PPP2R3C: variants seen among roughly 807,000 people sequenced by gnomAD.
The protein encoded by PPP2R3C is serine/threonine-protein phosphatase 2A regulatory subunit B'' subunit gamma.
In PPP2R3C, 47 loss-of-function variants were observed where a neutral mutation model predicts 63.7. That is an observed-to-expected ratio of 0.74 (90% CI 0.58 to 0.94). The LOEUF is 0.94. Among genes scored for constraint, PPP2R3C ranks in the 40% least tolerant of loss-of-function variants. PPP2R3C has a pLI of 0.00. For synonymous variants in PPP2R3C, 180 were observed against 177.4 expected (o/e 1.01, Z -0.12); for missense variants, 421 against 518.4 (o/e 0.81, Z 1.82).
chr14:35,109,434 A>T (rs186582860), intron 4 of PPP2R3C, among the ~76,000 whole-genome samples: 1 of 152,150 alleles, frequency 6.6e-6, no homozygotes, highest in African/African-American at 2.4e-5. Context: ...TAGTAACTTA[A>T]ATGGACTCAA....
At chr14:35,103,355 T>C (rs761793869) in intron 6 of PPP2R3C, among the ~76,000 whole-genome samples, 27 of 152,194 alleles carry the variant, frequency 1.8e-4, no homozygotes, top group Non-Finnish European at 3.2e-4. Flanking sequence ...TCCTCTATAC[T>C]ACATCTTCAT....
At chr14:35,087,327 G>C (rs2045639171) in intron 12 of PPP2R3C, 1 of 152,308 alleles carries the variant, frequency 6.6e-6, no homozygotes, top group East Asian at 1.9e-4. Context: ...TACTAAAACA[G>C]TTTCCAAGGT....
intron 3 of PPP2R3C, 110 bp from the exon 4 acceptor site, chr14:35,110,041 T>A (rs760070330): frequency 1.5e-5 from 11 of 758,054 alleles, no homozygotes; most frequent in Non-Finnish European, 2.3e-5. Context: ...GCAGAGTCAA[T>A]ATTAAGATGA....
intron 6 of PPP2R3C, among the ~76,000 whole-genome samples, chr14:35,103,933 A>T (rs2046270500): frequency 6.6e-6 from 1 of 152,328 alleles, no homozygotes; most frequent in African/African-American, 2.4e-5. Context: ...ATACTTTGAG[A>T]AAAGTGTTTT....
intron 7 of PPP2R3C, 53 bp from the exon 8 acceptor site, chr14:35,096,817 CAATT>C (rs1367736364): frequency 4.1e-6 from 6 of 1,469,398 alleles, no homozygotes; most frequent in Middle Eastern, 2.4e-4. Context: ...AAGAGCAACT[CAATT>C]AATTAAAAAA....
At chr14:35,106,831 C>T (rs9888560) in intron 6 of PPP2R3C, among the ~76,000 whole-genome samples, 15,965 of 150,514 alleles carry the variant, frequency 0.11, 1,052 homozygotes, top group African/African-American at 0.19. Context: ...CCAAGCCTGG[C>T]TAATTTTGTA....
rs192068165 is a variant in PPP2R3C, at chr14:35,106,380, T to C, written c.573+924A>G. On this transcript the variant is annotated intron_variant, in intron 6 of 12. Transcript: ENST00000261475. ...TTTTTGAGACAGGGTCTCCCTCTGT[T>C]GCCCAGGCTGGAGTGCAGTGGTGCA... 6.5e-5 allele frequency: 10 copies of C among 153,344 alleles called. No individual in the cohort carries two copies. In the East Asian group the frequency reaches 1.7e-3, roughly 26 times the overall value. 9.5% of individuals were successfully genotyped at this position (153,344 alleles called of 1,614,324 possible).
chr14:35,115,487 T>C (rs1475377415), intron 2 of PPP2R3C, among the ~76,000 whole-genome samples: 2 of 148,368 alleles, frequency 1.3e-5, no homozygotes, highest in African/African-American at 5.0e-5. Context: ...AGACAGGGTC[T>C]TTGCTCTATC....
chr14:35,095,124 C>T lies in PPP2R3C; in HGVS notation c.899G>A (p.Arg300His), dbSNP rs369410792. 1.2e-5 allele frequency: 20 copies of T among 1,611,962 alleles called. No individual in the cohort carries two copies. Among genetic ancestry groups the T allele is most frequent in the African/African-American group, 8.0e-5 (6 of 74,846 alleles). ...ATTGGTCATGGTAGCTGTTCCATAG[C>T]GTGAGAGTTCTTCTTTACTGAGCAT... ...NGMLSKEELSRYGTATMTNVF... is the reference protein window; with the variant it reads ...NGMLSKEELSHYGTATMTNVF... Residue 300 changes from arginine to histidine, a missense_variant, in exon 10 of 13, where the codon CGC becomes CAC. Arg to His is a conservative substitution (Grantham distance 29). Transcript: ENST00000261475.
intron 4 of PPP2R3C, among the ~76,000 whole-genome samples, chr14:35,108,464 GGAGGCT>G (rs2046432522): frequency 6.6e-6 from 1 of 151,568 alleles, no homozygotes; most frequent in African/African-American, 2.4e-5. Flanking sequence ...CAGCACTTTG[GGAGGCT>G]GAGGCAGGCA....
At chr14:35,113,802 T>C (rs2046631872) in intron 2 of PPP2R3C, among the ~76,000 whole-genome samples, 1 of 152,066 alleles carries the variant, frequency 6.6e-6, no homozygotes, top group Non-Finnish European at 1.5e-5. Flanking sequence ...AAGATAACCA[T>C]AGCAACCAGA....
chr14:35,089,390 G>A (rs2045716258), intron 11 of PPP2R3C, among the ~76,000 whole-genome samples: 1 of 151,366 alleles, frequency 6.6e-6, no homozygotes, highest in South Asian at 2.1e-4. Context: ...AAGCATGAGC[G>A]ACCACGCCTG....
At chr14:35,099,081 C>A in intron 7 of PPP2R3C, 171 bp downstream of exon 7, 1 of 860,704 alleles carries the variant, frequency 1.2e-6, no homozygotes, top group Middle Eastern at 3.9e-4. Context: ...ATAAACATAA[C>A]CAAAGTACTG....
chr14:35,114,708 G>C (rs2046657939), intron 2 of PPP2R3C, among the ~76,000 whole-genome samples: 1 of 151,946 alleles, frequency 6.6e-6, no homozygotes, highest in South Asian at 2.1e-4. Flanking sequence ...AAAAAGATGG[G>C]ATGGGCCAGC....
intron 11 of PPP2R3C, among the ~76,000 whole-genome samples, chr14:35,090,705 C>G (rs948680608): frequency 5.4e-5 from 8 of 148,426 alleles, no homozygotes; most frequent in African/African-American, 1.7e-4. Context: ...TTTGCTGCAT[C>G]TCACAATTTT....
chr14:35,119,230 C>A (rs533102716), intron 1 of PPP2R3C, among the ~76,000 whole-genome samples: 1 of 151,338 alleles, frequency 6.6e-6, no homozygotes, highest in African/African-American at 2.4e-5. Flanking sequence ...TAGAGACGGA[C>A]TTTCACCATG....
chr14:35,107,657 T>G (rs1026607269), intron 5 of PPP2R3C: 1 of 386,204 alleles, frequency 2.6e-6, no homozygotes, highest in East Asian at 4.2e-5. Context: ...ATGCCTTCAG[T>G]GAAGCTGCTT....
At chr14:35,095,315 G>GC (rs1194210554) in intron 9 of PPP2R3C, 131 bp from the exon 10 acceptor site, 1 of 888,532 alleles carries the variant, frequency 1.1e-6, no homozygotes, top group Non-Finnish European at 1.7e-6. Context: ...TAGGGTAGTG[G>GC]CCTATGTGTA....
intron 6 of PPP2R3C, chr14:35,101,634 T>C (rs1158338111): frequency 6.6e-6 from 1 of 152,220 alleles, no homozygotes. Context: ...CTTTCTGATC[T>C]TTGCTAATTT....
Sources: allele counts gnomAD v4.1 joint callset (sites outside exome capture counted in the v4.1 genomes callset), GRCh38; gene constraint gnomAD v4.1.1; transcripts MANE v1.5; gene names NCBI Gene and HGNC (gene_info 2026-07-23, HGNC 2026-07-21).